Variants in SRPK2 observed in about 807,000 individuals in gnomAD.
The protein encoded by SRPK2 is SFRS protein kinase 2.
Under a neutral mutation model 90.8 loss-of-function variants are expected in SRPK2, and 21 were observed. That is an observed-to-expected ratio of 0.23 (90% CI 0.16 to 0.33). The LOEUF (loss-of-function observed/expected upper bound fraction) is 0.33. SRPK2 is among the 10% of genes least tolerant of loss of function. SRPK2 has a pLI of 1.00. For missense variants in SRPK2, 620 were observed against 869.0 expected (o/e 0.71, Z 3.60); for synonymous variants, 288 against 311.1 (o/e 0.93, Z 0.78).
intron 2 of SRPK2, among the ~76,000 whole-genome samples, chr7:105,311,662 G>C (rs969074054): frequency 6.6e-6 from 1 of 152,190 alleles, no homozygotes; most frequent in African/African-American, 2.4e-5. Context: ...ACACCCATCA[G>C]GACATCTACA....
intron 7 of SRPK2, among the ~76,000 whole-genome samples, chr7:105,148,659 C>T (rs967759009): frequency 9.2e-5 from 14 of 152,052 alleles, no homozygotes; most frequent in African/African-American, 3.1e-4. Context: ...AAGAGAGATC[C>T]GACTGTTACT....
At chr7:105,168,870 G>A (rs1473569026) in intron 4 of SRPK2, among the ~76,000 whole-genome samples, 1 of 151,350 alleles carries the variant, frequency 6.6e-6, no homozygotes, top group African/African-American at 2.4e-5. Flanking sequence ...TATACATTAT[G>A]TTTGTCTGAT....
At chr7:105,209,130 A>G (rs1175678953) in intron 2 of SRPK2, among the ~76,000 whole-genome samples, 1 of 152,274 alleles carries the variant, frequency 6.6e-6, no homozygotes, top group Non-Finnish European at 1.5e-5. Flanking sequence ...GCTCAGCTAC[A>G]TTCAGAGTGA....
chr7:105,320,658 A>G (rs1043009650), intron 2 of SRPK2, among the ~76,000 whole-genome samples: 2 of 152,208 alleles, frequency 1.3e-5, no homozygotes, highest in African/African-American at 4.8e-5. Context: ...ACAAAACCCT[A>G]TCTACCATCA....
chr7:105,163,833 C>T (rs1242408609), intron 6 of SRPK2, among the ~76,000 whole-genome samples: 2 of 151,764 alleles, frequency 1.3e-5, no homozygotes, highest in African/African-American at 4.8e-5. Flanking sequence ...AAGTTTGCAC[C>T]CTAATTGAAG....
At position 105,383,052 on chromosome 7, in the gene SRPK2, AATTTTTT is replaced by A. The variant is rs1444410049; in HGVS notation, c.71+5589_71+5595del. Among the ~76,000 whole-genome samples, 84 of 105,318 alleles carry A rather than the reference AATTTTTT, an allele frequency of 8.0e-4. 4 individuals are homozygous for A. Among genetic ancestry groups the A allele is most frequent in the Non-Finnish European group, 1.2e-3 (64 of 55,636 alleles). The allele number at this position is 105,318 out of a possible 152,430, so 69.1% of individuals were successfully genotyped here. On this transcript the variant is annotated intron_variant, in intron 2 of 15. Transcript: ENST00000393651. ...AGTCTGAAATTATTTCAAAAGTAAAAATTTTTTTTTTTTTTTTTTTTTTTTTTTTGGA... is the reference window on the plus strand; with the variant it reads ...AGTCTGAAATTATTTCAAAAGTAAAATTTTTTTTTTTTTTTTTTTTTTGGA...
At chr7:105,159,464 A>AAAAAAAAAACAAAAAAAAAAAAAC (rs1807174541) in intron 7 of SRPK2, among the ~76,000 whole-genome samples, 1 of 141,598 alleles carries the variant, frequency 7.1e-6, no homozygotes, top group African/African-American at 2.9e-5. Flanking sequence ...AAAAAAAAAA[A>AAAAAAAAAACAAAAAAAAAAAAAC]AAAAAAAAAC....
chr7:105,331,493 A>C (rs959953087), intron 2 of SRPK2, among the ~76,000 whole-genome samples: 18 of 152,104 alleles, frequency 1.2e-4, no homozygotes, highest in Non-Finnish European at 1.5e-5. Context: ...AAGGAGAAAA[A>C]ATAATTTCTG....
chr7:105,371,406 T>G (rs1252309849), intron 2 of SRPK2, among the ~76,000 whole-genome samples: 2 of 151,672 alleles, frequency 1.3e-5, no homozygotes, highest in Admixed American at 6.6e-5. Context: ...TGCAAACAGG[T>G]AGTTTACAAA....
chr7:105,276,300 A>G (rs1806485946), intron 2 of SRPK2, among the ~76,000 whole-genome samples: 1 of 150,526 alleles, frequency 6.6e-6, no homozygotes, highest in South Asian at 2.2e-4. Context: ...GCTGGTCTTG[A>G]ACTCCTGGGC....
intron 2 of SRPK2, among the ~76,000 whole-genome samples, chr7:105,285,646 A>G (rs1808000885): frequency 6.6e-6 from 1 of 152,106 alleles, no homozygotes; most frequent in Non-Finnish European, 1.5e-5. Context: ...CCTTGGTGAC[A>G]AGTGAGTTCA....
intron 3 of SRPK2, among the ~76,000 whole-genome samples, chr7:105,187,872 A>C (rs1011445756): frequency 6.6e-6 from 1 of 152,226 alleles, no homozygotes; most frequent in African/African-American, 2.4e-5. Context: ...GAAGCAAGTA[A>C]GTCACAAGAA....
chr7:105,176,749 ATGTGTGTGTG>A (rs10607750), intron 3 of SRPK2, among the ~76,000 whole-genome samples: 1 of 144,316 alleles, frequency 6.9e-6, no homozygotes, highest in Admixed American at 6.9e-5. Flanking sequence ...ATGTGTGTAT[ATGTGTGTGTG>A]TGTGTGTGTG....
chr7:105,297,564 T>C, intron 2 of SRPK2: 5 of 913,636 alleles, frequency 5.5e-6, no homozygotes, highest in Non-Finnish European at 6.5e-6. Flanking sequence ...CGTTTACCAT[T>C]TTAGACATAC....
At chr7:105,152,667 A>G (rs1239827138) in intron 7 of SRPK2, among the ~76,000 whole-genome samples, 1 of 152,182 alleles carries the variant, frequency 6.6e-6, no homozygotes, top group East Asian at 1.9e-4. Context: ...AATCTGACAG[A>G]GTTAAGTCTT....
chr7:105,184,686 G>A (rs937424469), intron 3 of SRPK2, among the ~76,000 whole-genome samples: 1 of 152,104 alleles, frequency 6.6e-6, no homozygotes, highest in Non-Finnish European at 1.5e-5. Context: ...TATAATGAAG[G>A]TCAGTTTGGC....
intron 2 of SRPK2, among the ~76,000 whole-genome samples, chr7:105,373,007 T>C (rs908094646): frequency 1.3e-5 from 2 of 152,156 alleles, no homozygotes; most frequent in Non-Finnish European, 2.9e-5. Context: ...GAGAATCACT[T>C]GAACCCAGGA....
chr7:105,203,038 G>T (rs1470418847), intron 3 of SRPK2, among the ~76,000 whole-genome samples: 8 of 152,092 alleles, frequency 5.3e-5, no homozygotes, highest in Non-Finnish European at 7.4e-5. Context: ...GCCCAGGCTG[G>T]ACTGCAGTAG....
At chr7:105,225,292 T>G (rs1263198350) in intron 2 of SRPK2, among the ~76,000 whole-genome samples, 1 of 152,242 alleles carries the variant, frequency 6.6e-6, no homozygotes, top group South Asian at 2.1e-4. Context: ...CTATTTTATT[T>G]AAGGCTAGCA....
Sources: gnomAD v4.1 joint callset for allele counts (sites outside exome capture counted in the v4.1 genomes callset) on GRCh38, gnomAD v4.1.1 for gene constraint, MANE v1.5 for transcripts, NCBI Gene and HGNC (gene_info 2026-07-23, HGNC 2026-07-21) for gene names.